Variants in UNC13C observed in about 807,000 individuals in gnomAD.
The protein encoded by UNC13C is protein unc-13 homolog C.
In UNC13C, 174 loss-of-function variants were observed where a neutral mutation model predicts 245.4. The ratio of observed to expected loss-of-function variants is 0.71; its 90% CI spans 0.63 to 0.80. The LOEUF is 0.80. Among genes scored for constraint, UNC13C ranks in the 30% least tolerant of loss-of-function variants. UNC13C has a pLI of 0.00. For missense variants in UNC13C, 2,829 were observed against 2,602.9 expected (o/e 1.09, Z -1.89); for synonymous variants, 992 against 895.1 (o/e 1.11, Z -1.93).
In UNC13C at chr15:54,322,103, T is replaced by G. The variant is rs759410926; in HGVS notation, c.4425+8T>G. ...GCTGCTACCAACTTTGGTGTAAGTATAATTTTTTAAACTTTAAAATTCCTA... is the reference window on the plus strand; with the variant it reads ...GCTGCTACCAACTTTGGTGTAAGTAGAATTTTTTAAACTTTAAAATTCCTA... On this transcript the variant is annotated splice_region_variant and intron_variant, in intron 14 of 32. Coordinates refer to ENST00000260323, the MANE Select transcript of UNC13C (RefSeq NM_001080534.3). 3 of 1,544,056 alleles carry G rather than the reference T, an allele frequency of 1.9e-6. No individual in the cohort carries two copies. The highest frequency in any genetic ancestry group is 2.6e-6 in the Non-Finnish European group (3 of 1,147,006).
intron 29 of UNC13C, among the ~76,000 whole-genome samples, chr15:54,557,311 C>A (rs1467237884): frequency 2.0e-5 from 3 of 151,860 alleles, no homozygotes; most frequent in Non-Finnish European, 2.9e-5. Flanking sequence ...CACCTCCATG[C>A]TAGGCCTGCT....
intron 4 of UNC13C, among the ~76,000 whole-genome samples, chr15:54,212,490 C>G (rs554958535): frequency 1.3e-5 from 2 of 152,120 alleles, no homozygotes; most frequent in East Asian, 3.9e-4. Flanking sequence ...GTACACAATA[C>G]CGTGCTCCTT....
chr15:54,347,781 T>C (rs929095397), intron 17 of UNC13C, among the ~76,000 whole-genome samples: 1 of 152,144 alleles, frequency 6.6e-6, no homozygotes, highest in African/African-American at 2.4e-5. Context: ...CACACACACA[T>C]GCACATATAT....
chr15:53,958,399 C>A, the UNC13C span, among the ~76,000 whole-genome samples: 5 of 151,224 alleles, frequency 3.3e-5, no homozygotes, highest in Admixed American at 2.6e-4. Context: ...AAATGAACAC[C>A]TGGGCTTATT....
At chr15:54,330,540 T>C (rs1242640865) in intron 14 of UNC13C, among the ~76,000 whole-genome samples, 2 of 152,074 alleles carry the variant, frequency 1.3e-5, no homozygotes, top group African/African-American at 4.8e-5. Context: ...ACTGTCTTGA[T>C]GGTTTGTGCC....
At chr15:53,967,823 TATAG>T in the UNC13C span, among the ~76,000 whole-genome samples, 8 of 152,308 alleles carry the variant, frequency 5.3e-5, no homozygotes, top group South Asian at 1.4e-3. Flanking sequence ...GGTGGTTTCA[TATAG>T]ATAGTAAAAT....
In UNC13C at chr15:54,550,879, G is replaced by A. The variant is rs373405544; in HGVS notation, c.5877+1188G>A. Among the ~76,000 whole-genome samples the A allele has an allele frequency of 1.3e-3, 204 of 152,252 alleles. 3 individuals are homozygous for A. The South Asian group carries it at 0.026, about 19-fold the overall frequency. On this transcript the variant is annotated intron_variant, in intron 28 of 32. Coordinates refer to ENST00000260323, the MANE Select transcript of UNC13C (RefSeq NM_001080534.3). ...GCGGAAGTTTCTCACATAAAACCAT[G>A]AAGGTGAAATAACATAGGTCTTACT...
intron 31 of UNC13C, 26 bp from the exon 32 acceptor site, chr15:54,623,769 A>T (rs762776987): frequency 6.3e-7 from 1 of 1,595,130 alleles, no homozygotes; most frequent in Non-Finnish European, 8.6e-7. Flanking sequence ...TCTGTTTGCT[A>T]AAATGTGATA....
chr15:53,981,189 C>T (rs534783753), intron 1 of UNC13C, among the ~76,000 whole-genome samples: 1 of 152,142 alleles, frequency 6.6e-6, no homozygotes, highest in Non-Finnish European at 1.5e-5. Context: ...ATGCATAAAC[C>T]CTGCCATAAC....
chr15:54,143,040 G>C lies in UNC13C; in HGVS notation c.3006G>C (p.Lys1002Asn), dbSNP rs374238210. 2 of 1,611,064 alleles carry C rather than the reference G, an allele frequency of 1.2e-6. No individual in the cohort carries two copies. Among genetic ancestry groups the C allele is most frequent in the Non-Finnish European group, 1.7e-6 (2 of 1,178,724 alleles). Residue 1002 changes from lysine to asparagine, a missense_variant and splice_region_variant, in exon 3 of 33, where the codon AAG becomes AAC. Transcript: ENST00000260323. ...CAGATAGCAGTTCTGTGGATGAAAA[G>C]GTTTTAAATCATACTTATTCTTCCC... ...LAGDSSSVDE[K>N]ARIVSGNDLD...
At chr15:53,874,822 G>A in the UNC13C span, among the ~76,000 whole-genome samples, 2 of 152,178 alleles carry the variant, frequency 1.3e-5, no homozygotes, top group Non-Finnish European at 2.9e-5. Flanking sequence ...TTGGCTAGGC[G>A]CGGTGGCTCA....
At chr15:54,328,251 T>A (rs2038347915) in intron 14 of UNC13C, among the ~76,000 whole-genome samples, 1 of 152,110 alleles carries the variant, frequency 6.6e-6, no homozygotes, top group Non-Finnish European at 1.5e-5. Context: ...CTCAAATCAA[T>A]AAGAGCTATA....
intron 30 of UNC13C, among the ~76,000 whole-genome samples, chr15:54,575,327 A>G (rs1375003546): frequency 6.6e-6 from 1 of 152,236 alleles, no homozygotes; most frequent in Non-Finnish European, 1.5e-5. Flanking sequence ...ATACCAGATT[A>G]TATATCCAAG....
At chr15:54,123,547 TTTTTC>T (rs1025450923) in intron 2 of UNC13C, among the ~76,000 whole-genome samples, 1 of 152,074 alleles carries the variant, frequency 6.6e-6, no homozygotes, top group Non-Finnish European at 1.5e-5. Flanking sequence ...AAGTAATTTA[TTTTTC>T]TTTTAACACT....
At chr15:53,937,495 C>A in the UNC13C span, among the ~76,000 whole-genome samples, 1 of 152,120 alleles carries the variant, frequency 6.6e-6, no homozygotes, top group Non-Finnish European at 1.5e-5. Context: ...CCCAACCTAG[C>A]AAGACAGGCC....
intron 30 of UNC13C, among the ~76,000 whole-genome samples, chr15:54,616,966 T>G (rs749576246): frequency 1.1e-4 from 17 of 152,052 alleles, no homozygotes; most frequent in Non-Finnish European, 2.4e-4. Flanking sequence ...ATACAGGTGT[T>G]ACAACTGCTT....
chr15:54,024,745 G>A (rs1224854075), intron 2 of UNC13C, among the ~76,000 whole-genome samples: 2 of 151,816 alleles, frequency 1.3e-5, no homozygotes, highest in African/African-American at 2.4e-5. Flanking sequence ...GTGAAACCCC[G>A]TCTCTAAAAA....
intron 19 of UNC13C, among the ~76,000 whole-genome samples, chr15:54,442,367 C>T (rs530470964): frequency 4.0e-5 from 6 of 151,320 alleles, no homozygotes; most frequent in Admixed American, 2.0e-4. Context: ...GGATTACAGG[C>T]ATCTGCCATC....
chr15:53,891,853 C>T, the UNC13C span, among the ~76,000 whole-genome samples: 965 of 152,284 alleles, frequency 6.3e-3, 10 homozygotes, highest in African/African-American at 0.022. Context: ...GCATTTAGCC[C>T]ATTAACATTT....
Sources: allele counts gnomAD v4.1 joint callset (sites outside exome capture counted in the v4.1 genomes callset), GRCh38; gene constraint gnomAD v4.1.1; transcripts MANE v1.5; gene names NCBI Gene and HGNC (gene_info 2026-07-23, HGNC 2026-07-21).